The following ATRNL1 variants were observed in gnomAD, a reference collection of about 807,000 sequenced individuals.
The protein encoded by ATRNL1 is attractin like 1.
A neutral mutation model predicts 182.7 loss-of-function variants in ATRNL1; 95 were observed. That is an observed-to-expected ratio of 0.52 (90% CI 0.44 to 0.62). The LOEUF is 0.62. Among genes scored for constraint, ATRNL1 ranks in the 20% least tolerant of loss-of-function variants. ATRNL1 has a pLI of 0.00. For synonymous variants in ATRNL1, 576 were observed against 568.3 expected, an observed-to-expected ratio of 1.01 and a Z score of -0.19; for missense variants, 1,471 against 1,679.5, an observed-to-expected ratio of 0.88 and a Z score of 2.17.
intron 26 of ATRNL1, among the ~76,000 whole-genome samples, chr10:115,653,701 G>C (rs1555034967): frequency 6.6e-6 from 1 of 152,098 alleles, no homozygotes; most frequent in Non-Finnish European, 1.5e-5. Context: ...TGGTCATGCT[G>C]TTATGGAATT....
At chr10:115,342,844 A>G (rs1404087249) in intron 19 of ATRNL1, among the ~76,000 whole-genome samples, 1 of 152,086 alleles carries the variant, frequency 6.6e-6, no homozygotes, top group Non-Finnish European at 1.5e-5. Flanking sequence ...TCATGTTTGT[A>G]GGATATATAT....
At chr10:115,382,140 AC>A (rs1554951337) in intron 19 of ATRNL1, among the ~76,000 whole-genome samples, 1 of 152,156 alleles carries the variant, frequency 6.6e-6, no homozygotes, top group Non-Finnish European at 1.5e-5. Context: ...TGAGTCTCCA[AC>A]TTTATTCTTC....
intron 24 of ATRNL1, among the ~76,000 whole-genome samples, chr10:115,476,769 T>C (rs1205174077): frequency 6.6e-6 from 1 of 151,468 alleles, no homozygotes; most frequent in Non-Finnish European, 1.5e-5. Context: ...CTTAACCTTT[T>C]TTTTAACTCT....
intron 28 of ATRNL1, among the ~76,000 whole-genome samples, chr10:115,879,328 G>C (rs1297361435): frequency 1.9e-5 from 2 of 105,894 alleles, no homozygotes; most frequent in African/African-American, 6.8e-5. Flanking sequence ...AAGAAAGAAA[G>C]AAATTTTATA....
At chr10:115,468,332 C>T (rs532662978) in intron 23 of ATRNL1, among the ~76,000 whole-genome samples, 6 of 150,902 alleles carry the variant, frequency 4.0e-5, no homozygotes, top group East Asian at 3.9e-4. Flanking sequence ...CAAGACATCA[C>T]GTGTTCTTTC....
chr10:115,770,194 T>A (rs1948954722), intron 27 of ATRNL1, among the ~76,000 whole-genome samples: 1 of 152,114 alleles, frequency 6.6e-6, no homozygotes, highest in South Asian at 2.1e-4. Flanking sequence ...CAATAATGTA[T>A]GCTATCTAAT....
intron 26 of ATRNL1, among the ~76,000 whole-genome samples, chr10:115,716,446 A>T (rs1158670846): frequency 6.6e-6 from 1 of 152,190 alleles, no homozygotes; most frequent in Admixed American, 6.5e-5. Context: ...TATAGTCATA[A>T]ACTACTTAAA....
At chr10:115,631,161 G>C (rs550878465) in intron 26 of ATRNL1, among the ~76,000 whole-genome samples, 1 of 151,972 alleles carries the variant, frequency 6.6e-6, no homozygotes, top group East Asian at 1.9e-4. Flanking sequence ...TGCAGCATGG[G>C]GAGTATAGTT....
At chr10:115,759,967 C>T (rs1948694642) in intron 27 of ATRNL1, among the ~76,000 whole-genome samples, 1 of 148,722 alleles carries the variant, frequency 6.7e-6, no homozygotes, top group South Asian at 2.1e-4. Context: ...GCTGCGATTA[C>T]AAGCGTGAGC....
intron 13 of ATRNL1, among the ~76,000 whole-genome samples, chr10:115,270,070 TA>T (rs1851775893): frequency 6.6e-6 from 1 of 151,584 alleles, no homozygotes; most frequent in African/African-American, 2.4e-5. Flanking sequence ...TTTGAAAATT[TA>T]AATTACGTTT....
chr10:115,170,088 G>T (rs1465229981), intron 7 of ATRNL1, among the ~76,000 whole-genome samples: 1 of 152,052 alleles, frequency 6.6e-6, no homozygotes, highest in Non-Finnish European at 1.5e-5. Flanking sequence ...TCTGCAAATA[G>T]AAATATTTTA....
chr10:115,711,004 A>T (rs184441043), intron 26 of ATRNL1, among the ~76,000 whole-genome samples: 87 of 152,222 alleles, frequency 5.7e-4, no homozygotes, highest in Admixed American at 2.1e-3. Context: ...TTTGAAGTTG[A>T]CAGAAAAATG....
At chr10:115,226,369 GAGT>G (rs1554898675) in intron 9 of ATRNL1, among the ~76,000 whole-genome samples, 2 of 151,960 alleles carry the variant, frequency 1.3e-5, no homozygotes, top group Non-Finnish European at 2.9e-5. Context: ...AATGGAATTT[GAGT>G]AGTTTTATTA....
intron 27 of ATRNL1, among the ~76,000 whole-genome samples, chr10:115,805,000 T>TA (rs879977524): frequency 6.6e-6 from 1 of 152,192 alleles, no homozygotes; most frequent in Non-Finnish European, 1.5e-5. Flanking sequence ...TACATTTGTG[T>TA]ATTGAGTGGG....
chr10:115,251,801 A>G (rs1296893955), intron 10 of ATRNL1, among the ~76,000 whole-genome samples: 1 of 152,162 alleles, frequency 6.6e-6, no homozygotes, highest in Non-Finnish European at 1.5e-5. Flanking sequence ...CATGTTTTAC[A>G]TGTTTCTAAG....
chr10:115,519,367 A>T, intron 25 of ATRNL1, 43 bp downstream of exon 25: 1 of 1,452,372 alleles, frequency 6.9e-7, no homozygotes, highest in Non-Finnish European at 9.6e-7. Context: ...TCAAGCCTGT[A>T]TTCTGATATA....
intron 8 of ATRNL1, among the ~76,000 whole-genome samples, chr10:115,202,398 T>G (rs1848618203): frequency 6.8e-6 from 1 of 147,376 alleles, no homozygotes; most frequent in South Asian, 2.1e-4. Flanking sequence ...TATTTTGAGA[T>G]ACATCCCATC....
At chr10:115,706,136 A>C (rs1383906253) in intron 26 of ATRNL1, among the ~76,000 whole-genome samples, 1 of 151,908 alleles carries the variant, frequency 6.6e-6, no homozygotes, top group Non-Finnish European at 1.5e-5. Flanking sequence ...GCTGAAATCA[A>C]GGTCTCTGTA....
At chr10:115,772,402 T>G (rs1260606757) in intron 27 of ATRNL1, among the ~76,000 whole-genome samples, 66 of 152,286 alleles carry the variant, frequency 4.3e-4, no homozygotes, top group East Asian at 1.9e-4. Flanking sequence ...CTCATTGACA[T>G]GGTCCATTTG....
Sources: allele counts gnomAD v4.1 joint callset (sites outside exome capture counted in the v4.1 genomes callset), GRCh38; gene constraint gnomAD v4.1.1; transcripts MANE v1.5; gene names NCBI Gene and HGNC (gene_info 2026-07-23, HGNC 2026-07-21).